The following BCR variants were observed in gnomAD, a reference collection of about 807,000 sequenced individuals.
BCR encodes the protein breakpoint cluster region protein.
BCR carries 58 observed loss-of-function variants against 138.6 expected under a neutral mutation model. The observed-to-expected ratio is 0.42, with a 90% CI of 0.34 to 0.52. The LOEUF (loss-of-function observed/expected upper bound fraction) is 0.52, where lower values mean the gene tolerates loss of function less well. BCR is among the 20% of genes least tolerant of loss of function. The pLI is 0.06. For missense variants in BCR, 1,599 were observed against 1,727.2 expected (o/e 0.93, Z 1.32); for synonymous variants, 786 against 730.1 (o/e 1.08, Z -1.23).
chr22:23,213,037 C>A (rs898315348), intron 1 of BCR, among the ~76,000 whole-genome samples: 1 of 152,202 alleles, frequency 6.6e-6, no homozygotes, highest in Non-Finnish European at 1.5e-5. Flanking sequence ...GGCTTTCGGG[C>A]TTCCTCACGG....
chr22:23,314,347 A>T (rs1489852216), intron 21 of BCR, among the ~76,000 whole-genome samples: 1 of 152,110 alleles, frequency 6.6e-6, no homozygotes, highest in Non-Finnish European at 1.5e-5. Context: ...TCCGAGTCAC[A>T]TCAAGTAGGA....
At chr22:23,249,431 CAAAAAAA>C (rs535635463) in intron 1 of BCR, among the ~76,000 whole-genome samples, 2 of 66,204 alleles carry the variant, frequency 3.0e-5, no homozygotes, top group Non-Finnish European at 3.2e-5. Flanking sequence ...GACTCTGTCT[CAAAAAAA>C]AAAAAAAAAA....
At chr22:23,228,921 G>T (rs1056477627) in intron 1 of BCR, among the ~76,000 whole-genome samples, 12 of 152,104 alleles carry the variant, frequency 7.9e-5, no homozygotes, top group African/African-American at 2.9e-4. Flanking sequence ...GAAGTGTTCA[G>T]CTATTGTATT....
chr22:23,314,714 G>C lies in BCR; in HGVS notation c.3726G>C (p.Gln1242His). ...GCTGGTCCTTGGAGGTCATGTCCCAGGTATGGGAAGACAGGCTCCAGCCCA... is the reference window on the plus strand; with the variant it reads ...GCTGGTCCTTGGAGGTCATGTCCCACGTATGGGAAGACAGGCTCCAGCCCA... ...TDSWSLEVMS[Q>H]VQVLLYFLQL... The change falls in exon 22 of 23, where the codon CAG (glutamine) becomes CAC (histidine). Residue 1242 changes from glutamine to histidine, a missense_variant and splice_region_variant. This residue lies in a region of BCR where 177 missense variants were observed against 226.4 expected (regional missense o/e 0.78). Coordinates refer to ENST00000305877, the MANE Select transcript of BCR (RefSeq NM_004327.4). The C allele has an allele frequency of 6.2e-7, 1 of 1,611,796 alleles. No homozygotes were observed. The highest frequency in any genetic ancestry group is 8.5e-7 in the Non-Finnish European group (1 of 1,179,846).
intron 2 of BCR, among the ~76,000 whole-genome samples, chr22:23,257,522 C>T (rs1057131404): frequency 1.3e-5 from 2 of 152,266 alleles, no homozygotes; most frequent in Non-Finnish European, 1.5e-5. Context: ...AACATGAGCA[C>T]GGCTGGCAGG....
At chr22:23,301,523 G>T (rs755168445) in intron 16 of BCR, among the ~76,000 whole-genome samples, 3 of 152,228 alleles carry the variant, frequency 2.0e-5, no homozygotes, top group Admixed American at 2.0e-4. Context: ...TTGGATGGAT[G>T]TTGATGCCTT....
chr22:23,257,755 G>A (rs1052273286), intron 2 of BCR, among the ~76,000 whole-genome samples: 2 of 152,186 alleles, frequency 1.3e-5, no homozygotes, highest in African/African-American at 4.8e-5. Context: ...TGCTGAACTT[G>A]GGTAGCATTT....
chr22:23,300,141 T>G (rs1240812923), intron 16 of BCR, among the ~76,000 whole-genome samples: 1 of 152,052 alleles, frequency 6.6e-6, no homozygotes, highest in Non-Finnish European at 1.5e-5. Flanking sequence ...TTTCATCCTC[T>G]CAAACTGAAA....
At chr22:23,314,941 G>A (rs2074051994) in intron 22 of BCR, among the ~76,000 whole-genome samples, 2 of 152,214 alleles carry the variant, frequency 1.3e-5, no homozygotes, top group African/African-American at 4.8e-5. Flanking sequence ...ACTACCTCAA[G>A]TGTTCGGGTG....
At chr22:23,252,002 G>A (rs140182326) in intron 1 of BCR, among the ~76,000 whole-genome samples, 28 of 152,326 alleles carry the variant, frequency 1.8e-4, no homozygotes, top group African/African-American at 6.0e-4. Context: ...ATTCAGCCTG[G>A]GAGGAAGGGA....
At chr22:23,194,511 C>T (rs983171798) in intron 1 of BCR, among the ~76,000 whole-genome samples, 5 of 151,748 alleles carry the variant, frequency 3.3e-5, no homozygotes, top group Admixed American at 6.6e-5. Context: ...CCCAGGTTCA[C>T]GCCATTCTCC....
At chr22:23,256,718 G>C (rs963076267) in intron 2 of BCR, among the ~76,000 whole-genome samples, 1 of 152,144 alleles carries the variant, frequency 6.6e-6, no homozygotes, top group African/African-American at 2.4e-5. Context: ...ACTAGAAGGG[G>C]CCTCTTTGCA....
At position 23,181,122 on chromosome 22, in the gene BCR, C is replaced by T. The variant is rs112539379; in HGVS notation, c.162C>T (p.Phe54=). ...AGCAGGAGGTGAACCAGGAGCGCTT[C>T]CGCATGATCTACCTGCAGACGTTGC... is the stretch of plus-strand genomic sequence containing the variant. The part of the protein sequence containing the change: ...RLEQEVNQER[F]RMIYLQTLLA... Residue 54 remains phenylalanine, a synonymous_variant, in exon 1 of 23, where the codon TTC becomes TTT. Transcript: ENST00000305877. 2,254 of 1,498,616 alleles carry T rather than the reference C, an allele frequency of 1.5e-3. 29 individuals carry two copies. In the African/African-American group the frequency reaches 0.028, roughly 19 times the overall value. The allele number at this position is 1,498,616 out of a possible 1,614,324, so 92.8% of individuals were successfully genotyped here.
intron 1 of BCR, among the ~76,000 whole-genome samples, chr22:23,230,330 G>A (rs143526638): frequency 0.012 from 1,818 of 152,292 alleles, 17 homozygotes; most frequent in Non-Finnish European, 0.018. Context: ...TCTACATTTA[G>A]ACGTCCTTCT....
chr22:23,241,957 C>G (rs1462548439), intron 1 of BCR, among the ~76,000 whole-genome samples: 1 of 152,206 alleles, frequency 6.6e-6, no homozygotes, highest in Admixed American at 6.5e-5. Context: ...CACTGCCAGC[C>G]TGTATCCCCT....
At chr22:23,289,977 A>G in intron 13 of BCR, 3 of 501,954 alleles carry the variant, frequency 6.0e-6, no homozygotes, top group Non-Finnish European at 1.1e-5. Flanking sequence ...CTTTTGGTCA[A>G]GCTGTTTTGC....
intron 1 of BCR, among the ~76,000 whole-genome samples, chr22:23,209,799 T>C (rs1414182183): frequency 6.6e-6 from 1 of 152,114 alleles, no homozygotes; most frequent in Non-Finnish European, 1.5e-5. Context: ...CCCAGCCTAT[T>C]TTTTAATTTT....
In BCR at chr22:23,271,465, G is replaced by A. The variant is rs1221582108; in HGVS notation, c.1861-67G>A. On this transcript the variant is annotated intron_variant, in intron 5 of 22. Transcript: ENST00000305877. ...GGGAAAGCTGAAATTGTTGCCAAAG[G>A]GGGAACTGTCTGCATCATCAAAGCT... 79 of 1,509,744 alleles carry A rather than the reference G, an allele frequency of 5.2e-5. No individual in the cohort carries two copies. In the South Asian group the frequency reaches 8.2e-4, roughly 16 times the overall value. 93.5% of individuals were successfully genotyped at this position (1,509,744 alleles called of 1,614,324 possible). A position where few individuals can be genotyped will look rare whatever the true frequency, so the allele number is the denominator to read the frequency against.
intron 1 of BCR, among the ~76,000 whole-genome samples, chr22:23,233,550 G>A (rs563057044): frequency 6.2e-4 from 94 of 152,268 alleles, no homozygotes; most frequent in African/African-American, 2.2e-3. Context: ...CACTTTGAGA[G>A]GCTGAGGCAA....
Sources: allele counts gnomAD v4.1 joint callset (sites outside exome capture counted in the v4.1 genomes callset), GRCh38; gene constraint gnomAD v4.1.1; regional missense constraint gnomAD v4.1.1; transcripts MANE v1.5; gene names NCBI Gene and HGNC (gene_info 2026-07-23, HGNC 2026-07-21).